Variants in DLG2 observed in about 807,000 individuals in gnomAD.
DLG2 encodes the protein discs large MAGUK scaffold protein 2, also known as disks large homolog 2.
A neutral mutation model predicts 132.5 loss-of-function variants in DLG2; 45 were observed. The ratio of observed to expected loss-of-function variants is 0.34; its 90% CI spans 0.27 to 0.44. The LOEUF (loss-of-function observed/expected upper bound fraction) is 0.44, where lower values mean the gene tolerates loss of function less well. Among genes scored for constraint, DLG2 ranks in the 20% least tolerant of loss-of-function variants. DLG2 has a pLI of 1.00. For missense variants in DLG2, 1,045 were observed against 1,196.9 expected (o/e 0.87, Z 1.87); for synonymous variants, 424 against 419.6 (o/e 1.01, Z -0.13).
intron 3 of DLG2, among the ~76,000 whole-genome samples, chr11:85,444,615 T>C (rs2091925911): frequency 6.6e-6 from 1 of 152,204 alleles, no homozygotes. Flanking sequence ...CAAGGCAACA[T>C]GCATGCCCTC....
rs371669666 is a variant in DLG2 at position 84,444,799 on chromosome 11, T to C, written c.519+89771A>G. Among the ~76,000 whole-genome samples, 437 of 145,576 alleles carry C rather than the reference T, an allele frequency of 3.0e-3. 5 individuals carry two copies. The highest frequency in any genetic ancestry group is 0.012 in the African/African-American group (429 of 36,004). On this transcript the variant is annotated intron_variant, in intron 7 of 27. Coordinates refer to ENST00000376104, the MANE Select transcript of DLG2 (RefSeq NM_001142699.3). Reference sequence around the variant, plus strand: ...TGCAAAATGTCATGTTATTATTGTATACTTTTTTTTTTTTTTTTCTTTGAG... The same window carrying C: ...TGCAAAATGTCATGTTATTATTGTACACTTTTTTTTTTTTTTTTCTTTGAG...
At chr11:84,279,228 C>T (rs1012960802) in intron 7 of DLG2, among the ~76,000 whole-genome samples, 15 of 152,188 alleles carry the variant, frequency 9.9e-5, no homozygotes, top group African/African-American at 3.1e-4. Context: ...CTCATCATCA[C>T]TGGTCATTAG....
intron 7 of DLG2, among the ~76,000 whole-genome samples, chr11:84,435,500 C>A (rs1404482762): frequency 6.6e-6 from 1 of 152,172 alleles, no homozygotes; most frequent in Non-Finnish European, 1.5e-5. Flanking sequence ...CCTCCTAGCT[C>A]TCTTCCTAGC....
intron 6 of DLG2, among the ~76,000 whole-genome samples, chr11:85,026,624 T>C (rs2060541836): frequency 6.6e-6 from 1 of 152,106 alleles, no homozygotes; most frequent in African/African-American, 2.4e-5. Flanking sequence ...GATCACAAGG[T>C]CAGGAGATCG....
chr11:84,728,223 G>A (rs1318475029), intron 6 of DLG2, among the ~76,000 whole-genome samples: 1 of 152,036 alleles, frequency 6.6e-6, no homozygotes, highest in Non-Finnish European at 1.5e-5. Context: ...ATTGGCTGTG[G>A]GTTTGTCATA....
At chr11:83,962,847 A>G in intron 14 of DLG2, 38 bp downstream of exon 14, 1 of 1,606,634 alleles carries the variant, frequency 6.2e-7, no homozygotes, top group Non-Finnish European at 8.5e-7. Context: ...CTTTCTGGTA[A>G]TAAGAGCAAA....
At chr11:83,764,897 T>A (rs1045574570) in intron 18 of DLG2, among the ~76,000 whole-genome samples, 2 of 152,182 alleles carry the variant, frequency 1.3e-5, no homozygotes, top group African/African-American at 2.4e-5. Flanking sequence ...CAAACTCGGC[T>A]CTCAGGCTGC....
chr11:84,172,545 ATTTATTTATTTATTTG>A (rs1221209428), intron 8 of DLG2, among the ~76,000 whole-genome samples: 171 of 101,756 alleles, frequency 1.7e-3, no homozygotes, highest in Middle Eastern at 6.3e-3. Flanking sequence ...TTATTTATTT[ATTTATTTATTTATTTG>A]AGGTGGAGTC....
chr11:84,372,701 G>T (rs895980579), intron 7 of DLG2, among the ~76,000 whole-genome samples: 12 of 152,130 alleles, frequency 7.9e-5, no homozygotes, highest in African/African-American at 2.9e-4. Flanking sequence ...GACAAATCAA[G>T]TTCTGTTAGT....
intron 8 of DLG2, among the ~76,000 whole-genome samples, chr11:84,194,967 C>G (rs12800271): frequency 0.039 from 5,889 of 152,230 alleles, 173 homozygotes; most frequent in Non-Finnish European, 0.06. Flanking sequence ...TCGCACCTCT[C>G]CCTCCACACC....
In DLG2 at chr11:84,099,067, A is replaced by G. The variant is rs1406478745; in HGVS notation, c.625-20T>C. 3 of 1,609,780 alleles carry G rather than the reference A, an allele frequency of 1.9e-6. No homozygotes were observed. The highest frequency in any genetic ancestry group is 1.3e-5 in the African/African-American group (1 of 74,940). On this transcript the variant is annotated intron_variant, in intron 9 of 27. Coordinates refer to ENST00000376104, the MANE Select transcript of DLG2 (RefSeq NM_001142699.3). ...ATTCCCCTATAGAAACAAAAAGCAG[A>G]TATTAAATGATGTGTCTGTCACCTA... is the stretch of plus-strand genomic sequence containing the variant.
rs1490716681 is a variant in DLG2, at chr11:84,859,401, TATATACATATATATGTATAC to T, written c.357+252240_357+252259del. 3.3e-4 allele frequency among the ~76,000 whole-genome samples: 48 copies of T among 145,286 alleles called. No individual in the cohort carries two copies. In the South Asian group the frequency reaches 4.6e-3, roughly 14 times the overall value. On this transcript the variant is annotated intron_variant, in intron 6 of 27. Coordinates refer to ENST00000376104, the MANE Select transcript of DLG2 (RefSeq NM_001142699.3). ...ATATATATGCATACATATATATGTA[TATATACATATATATGTATAC>T]ATATACATATATATGTATATATACA...
intron 6 of DLG2, among the ~76,000 whole-genome samples, chr11:84,605,893 C>T (rs1315531815): frequency 6.6e-6 from 1 of 152,000 alleles, no homozygotes; most frequent in Non-Finnish European, 1.5e-5. Flanking sequence ...ATTTACAACC[C>T]CATCATTCAA....
At chr11:83,807,400 C>A (rs894523964) in intron 17 of DLG2, among the ~76,000 whole-genome samples, 1 of 152,146 alleles carries the variant, frequency 6.6e-6, no homozygotes, top group Non-Finnish European at 1.5e-5. Context: ...AATTGCTGCT[C>A]CCTGCAGAAA....
At chr11:83,681,467 C>T (rs1178811670) in intron 18 of DLG2, among the ~76,000 whole-genome samples, 1 of 152,136 alleles carries the variant, frequency 6.6e-6, no homozygotes, top group Middle Eastern at 3.2e-3. Context: ...AACAGTCATG[C>T]CTTCTGCATT....
intron 4 of DLG2, among the ~76,000 whole-genome samples, chr11:85,275,143 G>C (rs1015509181): frequency 6.6e-6 from 1 of 152,114 alleles, no homozygotes; most frequent in Non-Finnish European, 1.5e-5. Context: ...AGGGCAAAGG[G>C]GAAGCTTTCC....
intron 7 of DLG2, among the ~76,000 whole-genome samples, chr11:84,438,008 G>A (rs771301516): frequency 6.6e-6 from 1 of 152,172 alleles, no homozygotes; most frequent in Non-Finnish European, 1.5e-5. Context: ...GAAGAGAGCT[G>A]CCAGGCAAGG....
At chr11:83,608,297 T>G (rs771898989) in intron 19 of DLG2, among the ~76,000 whole-genome samples, 14 of 152,162 alleles carry the variant, frequency 9.2e-5, no homozygotes, top group Non-Finnish European at 1.5e-4. Context: ...TGATTTATAG[T>G]ATAGGTTGAG....
intron 7 of DLG2, among the ~76,000 whole-genome samples, chr11:84,531,099 G>C (rs536373099): frequency 6.6e-6 from 1 of 152,244 alleles, no homozygotes; most frequent in South Asian, 2.1e-4. Context: ...CTGGGTGACA[G>C]AGGGAAACTT....
Sources: gnomAD v4.1 joint callset for allele counts (sites outside exome capture counted in the v4.1 genomes callset) on GRCh38, gnomAD v4.1.1 for gene constraint, MANE v1.5 for transcripts, NCBI Gene and HGNC (gene_info 2026-07-23, HGNC 2026-07-21) for gene names.